Variants in MFN2 observed in about 807,000 individuals in gnomAD.
MFN2 encodes mitofusin 2.
A neutral mutation model predicts 87.5 loss-of-function variants in MFN2; 43 were observed. The ratio of observed to expected loss-of-function variants is 0.49; its 90% CI spans 0.38 to 0.63. The LOEUF is 0.63. MFN2 is among the 30% of genes least tolerant of loss of function. The pLI is 0.00. For missense variants in MFN2, 743 were observed against 972.8 expected (o/e 0.76, Z 3.14); for synonymous variants, 337 against 359.9 (o/e 0.94, Z 0.72).
chr1:12,009,673 G>A lies in MFN2; in HGVS notation c.2151G>A (p.Met717Ile), dbSNP rs1639602553. ...ACCTGGAGCAGGAAATTGCCGCCAT[G>A]AACAAGAAAATTGAGGTTCTTGACT... ...RENLEQEIAA[M>I]NKKIEVLDSL... is the part of the protein sequence containing the mutation. Residue 717 changes from methionine (M) to isoleucine (I), a missense_variant, in exon 18 of 19, where the codon ATG becomes ATA. Around this residue, in one of 3 missense-constraint regions of MFN2, gnomAD observed 571 missense variants for 670.7 expected, o/e 0.85. Transcript: ENST00000235329. 1.9e-6 allele frequency: 3 copies of A among 1,614,240 alleles called. No homozygotes were observed. The highest frequency in any genetic ancestry group is 2.5e-6 in the Non-Finnish European group (3 of 1,180,050).
intron 18 of MFN2, among the ~76,000 whole-genome samples, chr1:12,010,304 G>A (rs1383992244): frequency 2.0e-5 from 3 of 152,218 alleles, no homozygotes; most frequent in African/African-American, 4.8e-5. Flanking sequence ...AGTTCACAGC[G>A]CCCTGTGCTG....
In MFN2 at chr1:11,999,134, C is replaced by T. The variant is rs779065055; in HGVS notation, c.816+39C>T. ...TTTGGCAGTTTGGGGAATGCAACCC[C>T]GAGGGAGCACTGCCTGCCACTGGGG... On this transcript the variant is annotated intron_variant, in intron 8 of 18. Transcript: ENST00000235329. 22 of 1,554,800 alleles carry T rather than the reference C, an allele frequency of 1.4e-5. 1 individual carries two copies. The South Asian group carries it at 2.0e-4, about 14-fold the overall frequency.
intron 4 of MFN2, among the ~76,000 whole-genome samples, chr1:11,993,544 T>A (rs1258688260): frequency 6.6e-6 from 1 of 151,790 alleles, no homozygotes; most frequent in Non-Finnish European, 1.5e-5. Flanking sequence ...GACCATCCTG[T>A]CTAACACAGT....
intron 14 of MFN2, 132 bp from the exon 15 acceptor site, chr1:12,005,579 T>C (rs2100852168): frequency 2.1e-6 from 2 of 947,460 alleles, no homozygotes; most frequent in East Asian, 2.4e-5. Flanking sequence ...CCAACTTGAC[T>C]GGGGTGTGGT....
intron 17 of MFN2, among the ~76,000 whole-genome samples, chr1:12,009,106 A>G (rs1639574228): frequency 6.6e-6 from 1 of 152,238 alleles, no homozygotes; most frequent in African/African-American, 2.4e-5. Context: ...AGGTTGAGGC[A>G]GGAGAATCAG....
chr1:11,984,511 AGGATATT>A (rs1164863126), intron 2 of MFN2, among the ~76,000 whole-genome samples: 4 of 152,224 alleles, frequency 2.6e-5, no homozygotes, highest in Non-Finnish European at 4.4e-5. Context: ...TTGTGGTATT[AGGATATT>A]GGTTTTCATC....
At chr1:11,982,272 TC>T (rs1646000405) in intron 2 of MFN2, among the ~76,000 whole-genome samples, 158 bp downstream of exon 2, 1 of 152,196 alleles carries the variant, frequency 6.6e-6, no homozygotes, top group Non-Finnish European at 1.5e-5. Flanking sequence ...ATCTTTTACT[TC>T]CGTGAAGGAT....
rs2100853696 is a variant in MFN2, at chr1:12,005,947, C to A, written c.1716+16C>A. On this transcript the variant is annotated intron_variant, in intron 15 of 18. Coordinates refer to ENST00000235329, the MANE Select transcript of MFN2 (RefSeq NM_014874.4). ...CAATGACCAGGCAAGCAAAGTTCCT[C>A]ACCTCAAGGGCATTGTGGGGGGTCA... The A allele has an allele frequency of 6.2e-7, 1 of 1,611,108 alleles. No individual in the cohort carries two copies.
rs778219078 is a variant in MFN2 at position 12,004,021 on chromosome 1, G to A, written c.1190G>A (p.Arg397Gln). 18 of 1,614,076 alleles carry A rather than the reference G, an allele frequency of 1.1e-5. No homozygotes were observed. The highest frequency in any genetic ancestry group is 2.2e-5 in the East Asian group (1 of 44,898). The change falls in exon 12 of 19, where the codon CGG becomes CAG. Residue 397 changes from arginine (R) to glutamine (Q), a missense_variant. Around this residue, in one of 3 missense-constraint regions of MFN2, gnomAD observed 571 missense variants for 670.7 expected, o/e 0.85. Transcript: ENST00000235329. The surrounding 1 kb of genome is among the most constrained non-coding windows in gnomAD (Gnocchi z 4.2). ...TACTGCGAGGAAATGCGTGAAGAGC[G>A]GCAAGACCGACTGAAATTTATTGAC... Reference protein sequence around the residue: ...QVYCEEMREERQDRLKFIDKQ... With the variant: ...QVYCEEMREEQQDRLKFIDKQ...
intron 6 of MFN2, among the ~76,000 whole-genome samples, chr1:11,998,040 T>A (rs375001591): frequency 6.6e-6 from 1 of 151,232 alleles, no homozygotes; most frequent in African/African-American, 2.4e-5. Context: ...CCCGCCACCA[T>A]GCCTGGCTAA....
In MFN2 at chr1:12,005,837, T is replaced by C. The variant is rs1453557988; in HGVS notation, c.1622T>C (p.Ile541Thr). ...CTGTGTGCTGACTTCCAGGAAGACA[T>C]TGAGTTCCATTTCTCTCTCGGATGG... is the stretch of plus-strand genomic sequence containing the variant. The part of the protein sequence containing the change: ...DKLCADFQED[I>T]EFHFSLGWTM... The change falls in exon 15 of 19, where the codon ATT becomes ACT. Residue 541 changes from isoleucine to threonine, a missense_variant. Physicochemically the swap from Ile to Thr is moderately conservative, Grantham distance 89. Coordinates refer to ENST00000235329, the MANE Select transcript of MFN2 (RefSeq NM_014874.4). 1 of 1,614,220 alleles carries C rather than the reference T, an allele frequency of 6.2e-7. No homozygotes were observed. The highest frequency in any genetic ancestry group is 8.5e-7 in the Non-Finnish European group (1 of 1,180,042).
chr1:12,010,063 A>C lies in MFN2; in HGVS notation c.2204+337A>C, dbSNP rs548536552. Reference sequence around the variant, plus strand: ...CAGCCACTCGACAGGCTGAGGCAGGAGAATGGCTTGAACCCAGAAGGCGGA... The same window carrying C: ...CAGCCACTCGACAGGCTGAGGCAGGCGAATGGCTTGAACCCAGAAGGCGGA... On this transcript the variant is annotated intron_variant, in intron 18 of 18. Coordinates refer to ENST00000235329, the MANE Select transcript of MFN2 (RefSeq NM_014874.4). Among the ~76,000 whole-genome samples, 5 of 152,258 alleles carry C rather than the reference A, an allele frequency of 3.3e-5. No homozygotes were observed. In the South Asian group the frequency reaches 1.0e-3, roughly 32 times the overall value.
At chr1:12,008,673 C>T (rs886337693) in intron 17 of MFN2, among the ~76,000 whole-genome samples, 3 of 152,030 alleles carry the variant, frequency 2.0e-5, no homozygotes, top group African/African-American at 7.2e-5. Flanking sequence ...AGGCGCTCCC[C>T]ACTTCCTAGA....
chr1:11,982,703 GC>G (rs1646008224), intron 2 of MFN2: 1 of 152,156 alleles, frequency 6.6e-6, no homozygotes, highest in Non-Finnish European at 1.5e-5. Context: ...TCAACGAATA[GC>G]CTAGGTTGAG....
rs142271930 is a variant in MFN2 at position 12,009,635 on chromosome 1, G to A, written c.2113G>A (p.Val705Ile). ...TFAHLCQQVD[V>I]TRENLEQEIA... is the part of the protein sequence containing the mutation. ...TGCTCATCTGTGTCAGCAAGTTGACGTCACCCGGGAGAACCTGGAGCAGGA... is the reference window on the plus strand; with the variant it reads ...TGCTCATCTGTGTCAGCAAGTTGACATCACCCGGGAGAACCTGGAGCAGGA... Residue 705 changes from valine (V) to isoleucine (I), a missense_variant, in exon 18 of 19, where the codon GTC becomes ATC. Around this residue, in one of 3 missense-constraint regions of MFN2, gnomAD observed 571 missense variants for 670.7 expected, o/e 0.85. Transcript: ENST00000235329. The A allele has an allele frequency of 5.1e-3, 8,193 of 1,614,164 alleles. 81 individuals are homozygous for A. Among genetic ancestry groups the A allele is most frequent in the Non-Finnish European group, 4.1e-3 (4,896 of 1,180,020 alleles).
At chr1:11,984,651 C>T (rs2100789077) in intron 2 of MFN2, among the ~76,000 whole-genome samples, 1 of 152,316 alleles carries the variant, frequency 6.6e-6, no homozygotes, top group South Asian at 2.1e-4. Flanking sequence ...CCTAATCTTT[C>T]CCCACCTGAT....
chr1:11,994,885 G>A (rs1415993029), intron 4 of MFN2, among the ~76,000 whole-genome samples: 1 of 152,178 alleles, frequency 6.6e-6, no homozygotes, highest in African/African-American at 2.4e-5. Flanking sequence ...GAAACACTGT[G>A]TTTAGCACAG....
At chr1:11,982,497 A>G (rs1342973713) in intron 2 of MFN2, 11 of 152,038 alleles carry the variant, frequency 7.2e-5, no homozygotes, top group African/African-American at 2.7e-4. Context: ...TTTTGTTTCG[A>G]TTTCTCAGCT....
intron 18 of MFN2, 34 bp from the exon 19 acceptor site, chr1:12,011,462 C>G (rs766208875): frequency 6.2e-7 from 1 of 1,612,036 alleles, no homozygotes; most frequent in Non-Finnish European, 8.5e-7. Flanking sequence ...CTATCATCAG[C>G]TATCATGGTT....
Sources: allele counts gnomAD v4.1 joint callset (sites outside exome capture counted in the v4.1 genomes callset), GRCh38; gene constraint gnomAD v4.1.1; regional missense constraint gnomAD v4.1.1; non-coding constraint Gnocchi (gnomAD v3.1); transcripts MANE v1.5; gene names NCBI Gene and HGNC (gene_info 2026-07-23, HGNC 2026-07-21).